ERICH6B: variants seen among roughly 807,000 people sequenced by gnomAD.
ERICH6B encodes glutamate-rich protein 6B.
A neutral mutation model predicts 80.0 loss-of-function variants in ERICH6B; 69 were observed. The ratio of observed to expected loss-of-function variants is 0.86; its 90% CI spans 0.71 to 1.05. The LOEUF (loss-of-function observed/expected upper bound fraction) is 1.05. Among genes scored for constraint, ERICH6B ranks in the 50% least tolerant of loss-of-function variants. ERICH6B has a pLI of 0.00. For synonymous variants in ERICH6B, 283 were observed against 291.9 expected, an observed-to-expected ratio of 0.97 and a Z score of 0.31; for missense variants, 754 against 796.1, an observed-to-expected ratio of 0.95 and a Z score of 0.64.
intron 5 of ERICH6B, among the ~76,000 whole-genome samples, chr13:45,585,795 A>C (rs1324059194): frequency 1.3e-5 from 2 of 152,236 alleles, no homozygotes; most frequent in Non-Finnish European, 2.9e-5. Flanking sequence ...TGGTGATTAC[A>C]ACCTCAATGA....
intron 2 of ERICH6B, among the ~76,000 whole-genome samples, chr13:45,597,329 A>G (rs1303568383): frequency 6.6e-6 from 1 of 152,210 alleles, no homozygotes; most frequent in African/African-American, 2.4e-5. Flanking sequence ...CTGGAAAGCA[A>G]TCATTGTTTA....
At chr13:45,571,399 A>T (rs1270641889) in intron 8 of ERICH6B, among the ~76,000 whole-genome samples, 2 of 151,688 alleles carry the variant, frequency 1.3e-5, no homozygotes, top group Non-Finnish European at 2.9e-5. Flanking sequence ...CTCCTTGCTT[A>T]CCAAAAACTA....
chr13:45,561,643 T>G, intron 10 of ERICH6B, 117 bp from the exon 11 acceptor site: 4 of 1,154,850 alleles, frequency 3.5e-6, no homozygotes, highest in Non-Finnish European at 4.8e-6. Flanking sequence ...AGATCTGCCA[T>G]TTTTCCCCAG....
chr13:45,590,372 T>C (rs892960586), intron 4 of ERICH6B, among the ~76,000 whole-genome samples: 4 of 152,102 alleles, frequency 2.6e-5, no homozygotes, highest in Non-Finnish European at 4.4e-5. Context: ...TTGCAGTCTC[T>C]CCTGGTTGAG....
chr13:45,583,938 C>T (rs148839869), intron 5 of ERICH6B, among the ~76,000 whole-genome samples: 45 of 152,300 alleles, frequency 3.0e-4, no homozygotes, highest in East Asian at 2.9e-3. Flanking sequence ...TACACCTCTG[C>T]GTATTCTCAC....
At chr13:45,613,487 C>T (rs1029212468) in intron 1 of ERICH6B, among the ~76,000 whole-genome samples, 6 of 152,168 alleles carry the variant, frequency 3.9e-5, no homozygotes, top group African/African-American at 1.4e-4. Context: ...CGGCTAAGTG[C>T]AGAATATAGT....
At chr13:45,589,420 G>A (rs1233553447) in intron 4 of ERICH6B, among the ~76,000 whole-genome samples, 2 of 152,218 alleles carry the variant, frequency 1.3e-5, no homozygotes, top group East Asian at 1.9e-4. Context: ...CTGGCGGTTC[G>A]TGGGGTGCAG....
At chr13:45,615,027 CT>C (rs1241632502) in intron 1 of ERICH6B, among the ~76,000 whole-genome samples, 1 of 152,196 alleles carries the variant, frequency 6.6e-6, no homozygotes, top group East Asian at 1.9e-4. Context: ...TTCCTAGGAC[CT>C]TTTTTATAAA....
At chr13:45,550,925 T>A (rs958041128) in intron 11 of ERICH6B, among the ~76,000 whole-genome samples, 2 of 152,208 alleles carry the variant, frequency 1.3e-5, no homozygotes, top group African/African-American at 4.8e-5. Flanking sequence ...TATTTCCAGA[T>A]AAGGTCACAT....
Position 45,568,441 on chromosome 13 carries a change from C to G in ERICH6B, c.1061G>C (p.Ser354Thr). The G allele has an allele frequency of 6.6e-7, 1 of 1,522,916 alleles. No homozygotes were observed. The highest frequency in any genetic ancestry group is 2.5e-5 in the East Asian group (1 of 39,766). 94.3% of individuals were successfully genotyped at this position (1,522,916 alleles called of 1,614,324 possible). The change falls in exon 9 of 15, where the codon AGC (serine) becomes ACC (threonine). Residue 354 changes from serine to threonine, a missense_variant. Physicochemically the swap from Ser to Thr is moderately conservative, Grantham distance 58 (BLOSUM62 1). Coordinates refer to ENST00000298738, the MANE Select transcript of ERICH6B (RefSeq NM_182542.3). ...TGTTTTAAATACTGTCTGATAGGAG[C>G]TGTTCAAAAACTACAAAAGGATCAA... ...VEDLDENFLN[S>T]SYQTVFKTII...
intron 8 of ERICH6B, among the ~76,000 whole-genome samples, chr13:45,573,287 A>T (rs1248102019): frequency 6.6e-6 from 1 of 152,204 alleles, no homozygotes; most frequent in Non-Finnish European, 1.5e-5. Context: ...AAAATATGTT[A>T]TTAAGGGAAA....
At chr13:45,605,677 G>A (rs1949853805) in intron 2 of ERICH6B, among the ~76,000 whole-genome samples, 1 of 152,200 alleles carries the variant, frequency 6.6e-6, no homozygotes, top group African/African-American at 2.4e-5. Context: ...AACCTTCTTA[G>A]GGGTCTCCCC....
chr13:45,561,485 T>C lies in ERICH6B; in HGVS notation c.1291A>G (p.Met431Val). Residue 431 changes from methionine to valine, a missense_variant, in exon 11 of 15, where the codon ATG becomes GTG. Physicochemically the swap from Met to Val is conservative, Grantham distance 21. Coordinates refer to ENST00000298738, the MANE Select transcript of ERICH6B (RefSeq NM_182542.3). ...GGCTTCTCAGGTGTTGGTTTGCTCA[T>C]TAAATGAAATGTGAAACTGGTCATC... ...TEMTSFTFHLMSKPTPEKPET... is the reference protein window; with the variant it reads ...TEMTSFTFHLVSKPTPEKPET... 1.3e-6 allele frequency: 2 copies of C among 1,551,980 alleles called. No homozygotes were observed. Among genetic ancestry groups the C allele is most frequent in the African/African-American group, 2.7e-5 (2 of 73,184 alleles).
chr13:45,614,836 G>A (rs1488616015), intron 1 of ERICH6B, among the ~76,000 whole-genome samples: 2 of 152,248 alleles, frequency 1.3e-5, no homozygotes, highest in African/African-American at 4.8e-5. Flanking sequence ...TCTCCCCCAT[G>A]AGGGGAACAA....
At chr13:45,558,334 T>C (rs1874523255) in intron 11 of ERICH6B, among the ~76,000 whole-genome samples, 1 of 152,224 alleles carries the variant, frequency 6.6e-6, no homozygotes, top group South Asian at 2.1e-4. Flanking sequence ...AGGAGCTTTC[T>C]GGAGGAGTCT....
At chr13:45,580,511 T>G in intron 6 of ERICH6B, 92 bp downstream of exon 6, 1 of 1,353,170 alleles carries the variant, frequency 7.4e-7, no homozygotes, top group Non-Finnish European at 1.0e-6. Flanking sequence ...CATGCTCTCC[T>G]TGGCTGGGGG....
intron 13 of ERICH6B, among the ~76,000 whole-genome samples, chr13:45,545,583 TTTTTTG>T (rs1456539824): frequency 6.6e-6 from 1 of 152,198 alleles, no homozygotes; most frequent in African/African-American, 2.4e-5. Context: ...CTAGATACCA[TTTTTTG>T]TTTTTGTTTT....
At chr13:45,573,643 G>T (rs575034189) in intron 8 of ERICH6B, among the ~76,000 whole-genome samples, 10 of 152,290 alleles carry the variant, frequency 6.6e-5, no homozygotes, top group African/African-American at 2.4e-4. Flanking sequence ...CACGGTGCTT[G>T]TGATGAGAGC....
At chr13:45,547,604 T>C (rs538250664) in intron 13 of ERICH6B, among the ~76,000 whole-genome samples, 54 of 152,346 alleles carry the variant, frequency 3.5e-4, no homozygotes, top group African/African-American at 1.3e-3. Context: ...AAGAAGCACG[T>C]TGAGCCACCG....
Sources: allele counts gnomAD v4.1 joint callset (sites outside exome capture counted in the v4.1 genomes callset), GRCh38; gene constraint gnomAD v4.1.1; transcripts MANE v1.5; gene names NCBI Gene and HGNC (gene_info 2026-07-23, HGNC 2026-07-21).